Variants in NLRP11 observed in about 807,000 individuals in gnomAD.
The protein encoded by NLRP11 is NACHT, LRR and PYD domains-containing protein 11.
In NLRP11, 53 loss-of-function variants were observed where a neutral mutation model predicts 79.3. That is an observed-to-expected ratio of 0.67 (90% confidence interval 0.54 to 0.84). NLRP11 has a LOEUF of 0.84. NLRP11 is among the 40% of genes least tolerant of loss of function. NLRP11 has a pLI of 0.00. For missense variants in NLRP11, 1,264 were observed against 1,255.0 expected (o/e 1.01, Z -0.11); for synonymous variants, 518 against 462.6 (o/e 1.12, Z -1.54).
chr19:55,809,014 C>A lies in NLRP11; in HGVS notation c.1596G>T (p.Leu532Phe), dbSNP rs774063940. Residue 532 changes from leucine (L) to phenylalanine (F), a missense_variant, in exon 3 of 10, where the codon TTG becomes TTT. By Grantham distance (22) the Leu-to-Phe change is conservative. Coordinates refer to ENST00000589093, the Ensembl canonical transcript of NLRP11. The surrounding 1 kb of genome is among the most constrained non-coding windows in gnomAD (Gnocchi z 4.5). ...GCGTCAACTTTTCCGGGTCACGGTC[C>A]AAATGTTTCATGTATCCCACCGAGT... The A allele has an allele frequency of 6.2e-7, 1 of 1,614,052 alleles. No homozygotes were observed. Among genetic ancestry groups the A allele is most frequent in the Non-Finnish European group, 8.5e-7 (1 of 1,180,012 alleles).
intron 1 of NLRP11, among the ~76,000 whole-genome samples, chr19:55,823,202 CCTGT>C (rs1263037208): frequency 8.3e-5 from 12 of 144,658 alleles, no homozygotes; most frequent in Admixed American, 6.9e-5. Context: ...AGCTGAGGGT[CCTGT>C]CTGTTAGAAG....
At chr19:55,798,013 T>TTTA (rs1222849423) in intron 5 of NLRP11, among the ~76,000 whole-genome samples, 1 of 151,116 alleles carries the variant, frequency 6.6e-6, no homozygotes, top group Admixed American at 6.6e-5. Context: ...TTTTTTTTTT[T>TTTA]GAGATGGAGT....
chr19:55,785,424 T>A (rs1989800345), exon 10 of NLRP11: 1 of 514,704 alleles, frequency 1.9e-6, no homozygotes, highest in Non-Finnish European at 3.4e-6. Context: ...TTATCCTTTA[T>A]TACTTCATAT....
chr19:55,813,649 G>T (rs1379627835), intron 2 of NLRP11, among the ~76,000 whole-genome samples: 1 of 152,182 alleles, frequency 6.6e-6, no homozygotes, highest in Admixed American at 6.5e-5. Flanking sequence ...GAGCAGGTGA[G>T]CATGTACCTC....
chr19:55,792,352 A>G (rs1978345948), exon 7 of NLRP11: 1 of 1,614,176 alleles, frequency 6.2e-7, no homozygotes, highest in East Asian at 2.2e-5. Flanking sequence ...CGTCACATGC[A>G]ACACTCCGTA....
chr19:55,806,954 T>C (rs917999567), intron 4 of NLRP11, among the ~76,000 whole-genome samples: 8 of 152,266 alleles, frequency 5.3e-5, no homozygotes, highest in African/African-American at 1.2e-4. Flanking sequence ...GTGGAACTTA[T>C]TACTACAGCC....
At position 55,809,966 on chromosome 19, in the gene NLRP11, G is replaced by A. The variant is rs1454719114; in HGVS notation, c.644C>T (p.Ala215Val). Residue 215 changes from alanine (A) to valine (V), a missense_variant, in exon 3 of 10, where the codon GCA becomes GTA. By Grantham distance (64) the Ala-to-Val change is moderately conservative. Coordinates refer to ENST00000589093, the Ensembl canonical transcript of NLRP11. This position sits in a 1 kb window ranked among gnomAD's most constrained non-coding sequence, Gnocchi z 4.5. ...TTTCTTGGGATCAGACAGGATGTCT[G>A]CAATGGGAGCCTGGCCGTCAGGCCA... 1 of 1,614,162 alleles carries A rather than the reference G, an allele frequency of 6.2e-7. No individual in the cohort carries two copies. The highest frequency in any genetic ancestry group is 1.7e-5 in the Admixed American group (1 of 60,028).
At chr19:55,799,175 G>A (rs1312729550) in intron 5 of NLRP11, among the ~76,000 whole-genome samples, 2 of 152,132 alleles carry the variant, frequency 1.3e-5, no homozygotes, top group African/African-American at 4.8e-5. Context: ...GGTGAGGCAT[G>A]AAAATTGCTT....
intron 5 of NLRP11, among the ~76,000 whole-genome samples, chr19:55,797,558 T>C (rs1979048064): frequency 6.6e-6 from 1 of 152,186 alleles, no homozygotes; most frequent in Non-Finnish European, 1.5e-5. Flanking sequence ...ATCATGTGCC[T>C]AGTAGATGAT....
chr19:55,817,999 G>A lies in NLRP11; in HGVS notation c.176C>T (p.Ser59Phe), dbSNP rs530852675. The change falls in exon 2 of 10, where the codon TCT (serine) becomes TTT (phenylalanine). Residue 59 changes from serine to phenylalanine, a missense_variant. Coordinates refer to ENST00000589093, the Ensembl canonical transcript of NLRP11. Reference sequence around the variant, plus strand: ...ATTCCATATATACTGTCCCTCATAAGAGATTGGCAACACGTTAGCCAGTTC... The same window carrying A: ...ATTCCATATATACTGTCCCTCATAAAAGATTGGCAACACGTTAGCCAGTTC... The A allele has an allele frequency of 3.7e-6, 6 of 1,613,696 alleles. No individual in the cohort carries two copies. In the East Asian group the frequency reaches 1.3e-4, roughly 36 times the overall value.
exon 10 of NLRP11, chr19:55,785,495 A>T (rs375617690): frequency 0.068 from 1,736 of 25,600 alleles, 23 homozygotes; most frequent in African/African-American, 0.28. Context: ...GATCAAGGTC[A>T]CACACACACA....
intron 1 of NLRP11, among the ~76,000 whole-genome samples, chr19:55,819,403 C>T (rs774628020): frequency 7.2e-5 from 11 of 152,160 alleles, no homozygotes; most frequent in Non-Finnish European, 1.5e-4. Flanking sequence ...ACCCCGTGAG[C>T]CTCCCACACC....
chr19:55,804,468 T>G (rs1390008790), intron 4 of NLRP11, among the ~76,000 whole-genome samples: 1 of 151,604 alleles, frequency 6.6e-6, no homozygotes, highest in Non-Finnish European at 1.5e-5. Flanking sequence ...GGCAGGAATA[T>G]GGAGTTGGAG....
rs1407880955 is a variant in NLRP11, at chr19:55,821,250, C to CACA, written c.-62-3015_-62-3014insTGT. Among the ~76,000 whole-genome samples the CACA allele has an allele frequency of 9.8e-5, 10 of 102,560 alleles. No individual in the cohort carries two copies. The East Asian group carries it at 1.6e-3, about 16-fold the overall frequency. The allele number at this position is 102,560 out of a possible 152,430, so 67.3% of individuals were successfully genotyped here. ...ACACACACACACACACACACACACA[C>CACA]CCCAAGCACTGAGTTTGTAATGATC... On this transcript the variant is annotated intron_variant, in intron 1 of 9. Transcript: ENST00000589093.
chr19:55,805,431 G>A (rs1264994868), intron 4 of NLRP11, among the ~76,000 whole-genome samples: 1 of 151,984 alleles, frequency 6.6e-6, no homozygotes, highest in African/African-American at 2.4e-5. Flanking sequence ...CCATGTTGCC[G>A]TATTTTCAGA....
At chr19:55,806,580 C>T (rs1031292643) in intron 4 of NLRP11, among the ~76,000 whole-genome samples, 10 of 152,154 alleles carry the variant, frequency 6.6e-5, no homozygotes, top group African/African-American at 2.2e-4. Flanking sequence ...AGAAAAAGAG[C>T]CTCCTCTGAG....
intron 5 of NLRP11, among the ~76,000 whole-genome samples, chr19:55,799,190 C>T (rs963110842): frequency 6.6e-6 from 1 of 152,016 alleles, no homozygotes; most frequent in Non-Finnish European, 1.5e-5. Context: ...TTGCTTGAAC[C>T]CGGGAGGCAG....
chr19:55,809,929 G>A lies in NLRP11; in HGVS notation c.681C>T (p.Ile227=), dbSNP rs12977654. 103,534 of 1,613,984 alleles carry A rather than the reference G, an allele frequency of 0.064. 4,470 individuals are homozygous for A. Among genetic ancestry groups the A allele is most frequent in the East Asian group, 0.2 (8,839 of 44,862 alleles). ...ATCTTATGTTGTCCAAGTCCTCGAG[G>A]ATGAAAAGGAGTTTCTTGGGATCAG... Residue 227 remains isoleucine (I), a synonymous_variant, in exon 3 of 10, where the codon ATC becomes ATT. Coordinates refer to ENST00000589093, the Ensembl canonical transcript of NLRP11. The surrounding 1 kb of genome is among the most constrained non-coding windows in gnomAD (Gnocchi z 4.5).
At chr19:55,808,680 C>T (rs1159841640) in intron 3 of NLRP11, 89 bp downstream of exon 3, 47 of 1,214,446 alleles carry the variant, frequency 3.9e-5, no homozygotes, top group East Asian at 1.4e-4. Flanking sequence ...TTCATGGCCC[C>T]GAGTTTGTCT....
Sources: allele counts gnomAD v4.1 joint callset (sites outside exome capture counted in the v4.1 genomes callset), GRCh38; gene constraint gnomAD v4.1.1; non-coding constraint Gnocchi (gnomAD v3.1); transcripts MANE v1.5; gene names NCBI Gene and HGNC (gene_info 2026-07-23, HGNC 2026-07-21).